The following ABCD3 variants were observed in gnomAD, a reference collection of about 807,000 sequenced individuals.
ABCD3 encodes the protein ATP-binding cassette sub-family D member 3.
ABCD3 carries 41 observed loss-of-function variants against 105.5 expected under a neutral mutation model. The ratio of observed to expected loss-of-function variants is 0.39; its 90% confidence interval spans 0.30 to 0.50. The LOEUF is 0.50. ABCD3 is among the 20% of genes least tolerant of loss of function. The pLI is 0.84. For synonymous variants in ABCD3, 258 were observed against 269.0 expected (o/e 0.96, Z 0.40); for missense variants, 622 against 806.3 (o/e 0.77, Z 2.77).
chr1:94,396,608 T>TGC, the ABCD3 span, among the ~76,000 whole-genome samples: 477 of 150,950 alleles, frequency 3.2e-3, 11 homozygotes, highest in Admixed American at 0.023. Context: ...TGTGTGTGTG[T>TGC]GTGCGCGCGC....
intron 10 of ABCD3, among the ~76,000 whole-genome samples, chr1:94,484,240 G>A (rs1146517): frequency 6.6e-6 from 1 of 152,188 alleles, no homozygotes; most frequent in African/African-American, 2.4e-5. Flanking sequence ...CAATTCCTCA[G>A]GGATCTAGAA....
At chr1:94,406,960 G>A in the ABCD3 span, 1 of 152,258 alleles carries the variant, frequency 6.6e-6, no homozygotes, top group East Asian at 1.9e-4. Context: ...GCTATAACCT[G>A]CCTTTTCAGT....
At chr1:94,472,545 A>G (rs756917330) in intron 4 of ABCD3, among the ~76,000 whole-genome samples, 3 of 152,054 alleles carry the variant, frequency 2.0e-5, no homozygotes, top group Non-Finnish European at 2.9e-5. Flanking sequence ...AACATTTCCC[A>G]AAGTATGTTC....
intron 20 of ABCD3, among the ~76,000 whole-genome samples, chr1:94,504,495 A>G (rs921363187): frequency 2.6e-5 from 4 of 152,146 alleles, no homozygotes; most frequent in African/African-American, 9.7e-5. Flanking sequence ...GAAATCTGAA[A>G]GCTCTAAGGA....
chr1:94,402,574 A>G, the ABCD3 span, among the ~76,000 whole-genome samples: 1 of 152,184 alleles, frequency 6.6e-6, no homozygotes, highest in African/African-American at 2.4e-5. Context: ...ACATTGATAT[A>G]ATACTCTAAC....
At chr1:94,498,025 A>G (rs1439299664) in intron 16 of ABCD3, among the ~76,000 whole-genome samples, 2 of 152,188 alleles carry the variant, frequency 1.3e-5, no homozygotes, top group African/African-American at 4.8e-5. Context: ...TCAGTTTTCT[A>G]AACTTTATCT....
chr1:94,480,226 C>T (rs935565385), intron 8 of ABCD3: 2 of 542,034 alleles, frequency 3.7e-6, no homozygotes, highest in Non-Finnish European at 6.5e-6. Context: ...TTTAGGTGAG[C>T]AAAATGTAGG....
intron 1 of ABCD3, among the ~76,000 whole-genome samples, chr1:94,429,918 A>G (rs1319759430): frequency 6.6e-6 from 1 of 152,230 alleles, no homozygotes; most frequent in Non-Finnish European, 1.5e-5. Flanking sequence ...AGCAGCTTGC[A>G]CTGTGCGCCT....
At chr1:94,461,695 T>G (rs1180678741) in intron 2 of ABCD3, among the ~76,000 whole-genome samples, 2 of 152,100 alleles carry the variant, frequency 1.3e-5, no homozygotes, top group Admixed American at 1.3e-4. Context: ...TTGAATAATT[T>G]TGCTATGATT....
At chr1:94,474,896 G>T (rs1041151639) in intron 5 of ABCD3, among the ~76,000 whole-genome samples, 1 of 152,042 alleles carries the variant, frequency 6.6e-6, no homozygotes, top group African/African-American at 2.4e-5. Context: ...CAAAAAAAAT[G>T]GGCAAGGTAT....
At chr1:94,511,437 T>G (rs2101066147) in intron 21 of ABCD3, among the ~76,000 whole-genome samples, 1 of 152,278 alleles carries the variant, frequency 6.6e-6, no homozygotes, top group Non-Finnish European at 1.5e-5. Context: ...TTTTCCTTCA[T>G]TTCAACTTTG....
chr1:94,430,582 C>T (rs1007778273), intron 1 of ABCD3, among the ~76,000 whole-genome samples: 1 of 152,084 alleles, frequency 6.6e-6, no homozygotes, highest in Non-Finnish European at 1.5e-5. Context: ...TGTCTGCCAC[C>T]CTCCACGTAA....
intron 2 of ABCD3, among the ~76,000 whole-genome samples, chr1:94,458,877 C>T (rs950101007): frequency 6.6e-6 from 1 of 150,778 alleles, no homozygotes; most frequent in African/African-American, 2.4e-5. Flanking sequence ...AGTTTCCCCC[C>T]CTCTTCTAGC....
chr1:94,484,869 T>C (rs1277443312), intron 10 of ABCD3, among the ~76,000 whole-genome samples: 1 of 152,232 alleles, frequency 6.6e-6, no homozygotes, highest in Non-Finnish European at 1.5e-5. Context: ...AAAGAATTTG[T>C]TCCTGAAGCA....
the ABCD3 span, among the ~76,000 whole-genome samples, chr1:94,407,843 C>G: frequency 6.6e-6 from 1 of 152,114 alleles, no homozygotes; most frequent in Non-Finnish European, 1.5e-5. Context: ...AAAGAAACAA[C>G]AACAAACAAA....
At chr1:94,426,017 G>C (rs760053407) in intron 1 of ABCD3, among the ~76,000 whole-genome samples, 1 of 152,130 alleles carries the variant, frequency 6.6e-6, no homozygotes, top group South Asian at 2.1e-4. Context: ...TGGAGAAAAC[G>C]TTTTAACCCA....
intron 1 of ABCD3, among the ~76,000 whole-genome samples, chr1:94,426,655 G>C (rs1005664276): frequency 4.6e-5 from 7 of 150,996 alleles, no homozygotes; most frequent in African/African-American, 7.3e-5. Context: ...TGATTATCTT[G>C]CCTCACCCTC....
At chr1:94,467,769 T>C in intron 3 of ABCD3, 150 bp from the exon 4 acceptor site, 1 of 639,404 alleles carries the variant, frequency 1.6e-6, no homozygotes, top group Non-Finnish European at 2.8e-6. Flanking sequence ...TAAACTATAT[T>C]TAAAATTACT....
At position 94,489,899 on chromosome 1, in the gene ABCD3, T is replaced by G. The variant is rs1649452048; in HGVS notation, c.1250-4T>G. 1 of 1,612,388 alleles carries G rather than the reference T, an allele frequency of 6.2e-7. No individual in the cohort carries two copies. ...GATGCTTTAATACCTATTTTCCATT[T>G]AAGGTATTGAAGGAGTACAAGTCAT... On this transcript the variant is annotated splice_region_variant and splice_polypyrimidine_tract_variant and intron_variant, in intron 14 of 22. Transcript: ENST00000370214.
Sources: gnomAD v4.1 joint callset for allele counts (sites outside exome capture counted in the v4.1 genomes callset) on GRCh38, gnomAD v4.1.1 for gene constraint, MANE v1.5 for transcripts, NCBI Gene and HGNC (gene_info 2026-07-23, HGNC 2026-07-21) for gene names.